BCL11A: variants seen among roughly 807,000 people sequenced by gnomAD.
BCL11A encodes B cell CLL/lymphoma 11A.
Under a neutral mutation model 55.9 loss-of-function variants are expected in BCL11A, and 2 were observed. That is an observed-to-expected ratio of 0.04 (90% CI 0.01 to 0.11). The LOEUF is 0.11. Ranked by LOEUF, BCL11A falls within the 10% of genes least tolerant of loss-of-function variation. BCL11A has a pLI of 1.00. For synonymous variants in BCL11A, 465 were observed against 473.4 expected, an observed-to-expected ratio of 0.98 and a Z score of 0.23; for missense variants, 817 against 1,137.1, an observed-to-expected ratio of 0.72 and a Z score of 4.05.
Position 60,531,444 on chromosome 2 carries a change from C to T in BCL11A, c.385+14527G>A, listed in dbSNP as rs544805184. Among the ~76,000 whole-genome samples, 10 of 152,280 alleles carry T rather than the reference C, an allele frequency of 6.6e-5. No homozygotes were observed. The South Asian group carries it at 1.4e-3, about 22-fold the overall frequency. On this transcript the variant is annotated intron_variant, in intron 2 of 3. Transcript: ENST00000642384. ...GCAAGCACACTTTTTACAACCAGTA[C>T]GGAATGCATTAATTATAACTACAAA...
intron 2 of BCL11A, among the ~76,000 whole-genome samples, chr2:60,504,268 G>A (rs1427933574): frequency 1.3e-5 from 2 of 152,182 alleles, no homozygotes; most frequent in East Asian, 1.9e-4. Flanking sequence ...ACGCATGCAG[G>A]ATCAATGATG....
intron 3 of BCL11A, among the ~76,000 whole-genome samples, chr2:60,467,215 A>AATGGTGGTG (rs1676729116): frequency 2.2e-5 from 1 of 45,800 alleles, no homozygotes; most frequent in African/African-American, 9.8e-5. Context: ...CGGTGATGGT[A>AATGGTGGTG]CTGGTGATGG....
At chr2:60,543,635 G>A (rs906171059) in intron 2 of BCL11A, 2 of 152,172 alleles carry the variant, frequency 1.3e-5, no homozygotes, top group Non-Finnish European at 1.5e-5. Context: ...ATGAGAAGTC[G>A]TGATTCTAGT....
In BCL11A at chr2:60,493,689, G is replaced by A. The variant is rs530863477; in HGVS notation, c.386-24856C>T. ...TGGACTTAGTTGACCTCCCCCATTAGCAGCATGGAGAGTCAAGGAGATGAC... is the reference window on the plus strand; with the variant it reads ...TGGACTTAGTTGACCTCCCCCATTAACAGCATGGAGAGTCAAGGAGATGAC... On this transcript the variant is annotated intron_variant, in intron 2 of 3. Coordinates refer to ENST00000642384, the MANE Select transcript of BCL11A (RefSeq NM_022893.4). Among the ~76,000 whole-genome samples, 48 of 152,282 alleles carry A rather than the reference G, an allele frequency of 3.2e-4. 1 individual carries two copies. The highest frequency in any genetic ancestry group is 4.9e-4 in the Non-Finnish European group (33 of 68,018).
chr2:60,471,652 CTTCTT>C (rs1677205588), intron 2 of BCL11A, among the ~76,000 whole-genome samples: 1 of 152,214 alleles, frequency 6.6e-6, no homozygotes, highest in Non-Finnish European at 1.5e-5. Flanking sequence ...TTGAGGGCCT[CTTCTT>C]TTCCCACCTT....
intron 2 of BCL11A, among the ~76,000 whole-genome samples, chr2:60,513,340 G>C (rs891185194): frequency 1.3e-4 from 20 of 152,256 alleles, no homozygotes; most frequent in Non-Finnish European, 2.5e-4. Context: ...AGTGGCACTA[G>C]AAGGAGTCCC....
intron 1 of BCL11A, among the ~76,000 whole-genome samples, chr2:60,551,730 C>T (rs1367678113): frequency 1.3e-5 from 2 of 151,606 alleles, no homozygotes; most frequent in African/African-American, 4.8e-5. Context: ...ACGGGCCAGG[C>T]TGGCGCGGAG....
At chr2:60,534,565 A>G (rs1038351038) in intron 2 of BCL11A, 2 of 152,230 alleles carry the variant, frequency 1.3e-5, no homozygotes, top group African/African-American at 4.8e-5. Flanking sequence ...TGCCTCAATC[A>G]TATACTTAAA....
intron 2 of BCL11A, among the ~76,000 whole-genome samples, chr2:60,486,740 A>G (rs1678301770): frequency 6.6e-6 from 1 of 152,216 alleles, no homozygotes; most frequent in South Asian, 2.1e-4. Context: ...TAGATGGTTG[A>G]CAGAGGTATT....
chr2:60,503,750 G>A (rs536970649), intron 2 of BCL11A, among the ~76,000 whole-genome samples: 4 of 152,124 alleles, frequency 2.6e-5, no homozygotes, highest in Admixed American at 1.3e-4. Context: ...AATTTAACCC[G>A]CCTAGAAGAT....
intron 1 of BCL11A, 140 bp downstream of exon 1, chr2:60,553,076 T>G (rs909785778): frequency 1.2e-6 from 1 of 846,770 alleles, no homozygotes; most frequent in Admixed American, 3.1e-5. Context: ...TTATCTCTTT[T>G]ACCTCGACTC....
chr2:60,534,792 A>G (rs1275277072), intron 2 of BCL11A: 2 of 152,252 alleles, frequency 1.3e-5, no homozygotes, highest in African/African-American at 4.8e-5. Context: ...GCTAATACAC[A>G]AAACATGATC....
chr2:60,471,137 G>A (rs1180700233), intron 2 of BCL11A, among the ~76,000 whole-genome samples: 1 of 152,210 alleles, frequency 6.6e-6, no homozygotes, highest in African/African-American at 2.4e-5. Flanking sequence ...CTTTCGAAAG[G>A]TGCCAATGAA....
At chr2:60,483,941 T>C (rs539608146) in intron 2 of BCL11A, 27 of 152,290 alleles carry the variant, frequency 1.8e-4, no homozygotes, top group African/African-American at 6.3e-4. Context: ...GTTGGTCTCA[T>C]AGCTTCTGTT....
At chr2:60,468,022 GGT>G (rs1676957430) in intron 3 of BCL11A, among the ~76,000 whole-genome samples, 1 of 89,648 alleles carries the variant, frequency 1.1e-5, no homozygotes, top group Non-Finnish European at 2.4e-5. Context: ...TGGTGGTGGT[GGT>G]AGTGGTGGTG....
intron 1 of BCL11A, among the ~76,000 whole-genome samples, chr2:60,547,554 C>T (rs184589511): frequency 3.0e-4 from 46 of 151,394 alleles, no homozygotes; most frequent in Non-Finnish European, 2.5e-4. Context: ...ATCCAGGATG[C>T]TGCCAGTTAA....
intron 2 of BCL11A, among the ~76,000 whole-genome samples, chr2:60,505,703 G>A (rs183874417): frequency 2.4e-3 from 365 of 152,296 alleles, no homozygotes; most frequent in Non-Finnish European, 4.2e-3. Context: ...CCCACCTCCC[G>A]GAAGCAGGGG....
downstream of BCL11A, chr2:60,452,698 A>G (rs778514336): frequency 2.7e-5 from 41 of 1,532,666 alleles, no homozygotes; most frequent in Middle Eastern, 6.7e-4. Context: ...AGGAGGGGGA[A>G]AAAAAAAGTA....
intron 2 of BCL11A, among the ~76,000 whole-genome samples, chr2:60,514,655 G>C (rs935335042): frequency 6.7e-6 from 1 of 150,122 alleles, no homozygotes; most frequent in African/African-American, 2.5e-5. Context: ...GCGACAGAGC[G>C]AGACTCCATC....
Sources: gnomAD v4.1 joint callset for allele counts (sites outside exome capture counted in the v4.1 genomes callset) on GRCh38, gnomAD v4.1.1 for gene constraint, MANE v1.5 for transcripts, NCBI Gene and HGNC (gene_info 2026-07-23, HGNC 2026-07-21) for gene names.